The following ZFYVE26 variants were observed in gnomAD, a reference collection of about 807,000 sequenced individuals.
The protein encoded by ZFYVE26 is zinc finger FYVE-type containing 26.
In ZFYVE26, 181 loss-of-function variants were observed where a neutral mutation model predicts 276.5. The ratio of observed to expected loss-of-function variants is 0.65; its 90% confidence interval spans 0.58 to 0.74. The LOEUF is 0.74. ZFYVE26 is among the 30% of genes least tolerant of loss of function. The pLI is 0.00. For missense variants in ZFYVE26, 2,821 were observed against 3,097.9 expected (o/e 0.91, Z 2.12); for synonymous variants, 1,129 against 1,203.1 (o/e 0.94, Z 1.27).
At chr14:67,785,351 G>A in intron 18 of ZFYVE26, 74 bp from the exon 19 acceptor site, 1 of 1,379,536 alleles carries the variant, frequency 7.2e-7, no homozygotes, top group Non-Finnish European at 1.0e-6. Flanking sequence ...TTTCTGACTG[G>A]ATATGTGAAC....
intron 13 of ZFYVE26, chr14:67,735,081 T>C: frequency 2.8e-6 from 2 of 720,058 alleles, no homozygotes; most frequent in East Asian, 2.6e-5. Context: ...ACACCAAATA[T>C]CGGGAAGCTG....
Position 67,754,157 on chromosome 14 carries a change from C to G in ZFYVE26, c.7042G>C (p.Glu2348Gln). ...MEVTRFLHRCESAGTSQITTL... is the reference protein window; with the variant it reads ...MEVTRFLHRCQSAGTSQITTL... ...GTGATTTGAGAGGTCCCAGCACTTT[C>G]GCACCGATGCAAGAACCTGGTCACT... is the stretch of plus-strand genomic sequence containing the variant. Residue 2348 changes from glutamate to glutamine, a missense_variant, in exon 38 of 42, where the codon GAA (glutamate) becomes CAA (glutamine). Coordinates refer to ENST00000347230, the MANE Select transcript of ZFYVE26 (RefSeq NM_015346.4). 1 of 1,614,254 alleles carries G rather than the reference C, an allele frequency of 6.2e-7. No individual in the cohort carries two copies. The highest frequency in any genetic ancestry group is 1.3e-5 in the African/African-American group (1 of 75,066).
chr14:67,769,833 TA>T, intron 28 of ZFYVE26, 103 bp from the exon 29 acceptor site: 2 of 1,498,012 alleles, frequency 1.3e-6, no homozygotes, highest in Non-Finnish European at 1.8e-6. Flanking sequence ...TTATACTTTC[TA>T]AGAACACCAA....
intron 10 of ZFYVE26, 49 bp from the exon 11 acceptor site, chr14:67,798,671 A>G (rs763323724): frequency 1.3e-4 from 207 of 1,611,314 alleles, no homozygotes; most frequent in Non-Finnish European, 1.7e-4. Flanking sequence ...GAAGACAGAG[A>G]ATGCAAACAT....
chr14:67,798,020 G>C lies in ZFYVE26; in HGVS notation c.2242C>G (p.Arg748Gly). Residue 748 changes from arginine (R) to glycine (G), a missense_variant, in exon 11 of 42, where the codon CGT (arginine) becomes GGT (glycine). Physicochemically the swap from Arg to Gly is moderately radical, Grantham distance 125. Coordinates refer to ENST00000347230, the MANE Select transcript of ZFYVE26 (RefSeq NM_015346.4). ...AGTTCCACCCTTCTCTCACCTGAAC[G>C]ATGGTTGCTTGTCACCACCTTGTGT... is the stretch of plus-strand genomic sequence containing the variant. The part of the protein sequence containing the change: ...WRHKVVTSNH[R>G]SEEQPSRRYQ... 6.2e-7 allele frequency: 1 copy of C among 1,614,080 alleles called. No homozygotes were observed. The highest frequency in any genetic ancestry group is 8.5e-7 in the Non-Finnish European group (1 of 1,180,014).
rs1341485723 is a variant in ZFYVE26, at chr14:67,761,755, T to TA, written c.6370-172dup. The TA allele has an allele frequency of 5.2e-5, 27 of 516,734 alleles. No homozygotes were observed. The Admixed American group carries it at 6.0e-4, about 12-fold the overall frequency. The allele number at this position is 516,734 out of a possible 1,614,324, so 32.0% of individuals were successfully genotyped here. ...ATGTACCCTAGAACTTAAAGTATGA[T>TA]AAAAAAATAAAAAAACAAATAAAGA... On this transcript the variant is annotated intron_variant, in intron 34 of 41. Transcript: ENST00000347230.
chr14:67,809,408 CTTTTTT>C, intron 3 of ZFYVE26, 119 bp from the exon 4 acceptor site: 12 of 208,262 alleles, frequency 5.8e-5, no homozygotes, highest in South Asian at 2.5e-4. Context: ...ATGAAGCACT[CTTTTTT>C]TTTTTTTTTT....
intron 33 of ZFYVE26, 72 bp from the exon 34 acceptor site, chr14:67,762,484 A>G (rs2038959667): frequency 6.4e-7 from 1 of 1,553,922 alleles, no homozygotes; most frequent in Non-Finnish European, 8.7e-7. Flanking sequence ...GACCTATTCT[A>G]TTCCCAAGTT....
In ZFYVE26 at chr14:67,748,629, T is replaced by C. The variant is rs1225419682; in HGVS notation, c.7427A>G (p.Tyr2476Cys). Reference sequence around the variant, plus strand: ...AGAACGCAGTTTGCAACATATCAGGTAGGCCCGAACCTGGCAGTCAGTTAT... The same window carrying C: ...AGAACGCAGTTTGCAACATATCAGGCAGGCCCGAACCTGGCAGTCAGTTAT... ...IHNDDNKVRA[Y>C]LICCKLRSAY... The change falls in exon 42 of 42, where the codon TAC becomes TGC. Residue 2476 changes from tyrosine to cysteine, a missense_variant. Physicochemically the swap from Tyr to Cys is radical, Grantham distance 194. Coordinates refer to ENST00000347230, the MANE Select transcript of ZFYVE26 (RefSeq NM_015346.4). 2.5e-6 allele frequency: 4 copies of C among 1,613,858 alleles called. No individual in the cohort carries two copies. In the African/African-American group the frequency reaches 5.3e-5, roughly 22 times the overall value.
chr14:67,815,787 C>T lies in ZFYVE26; in HGVS notation c.177G>A (p.Val59=), dbSNP rs2140260764. The change falls in exon 2 of 42, where the codon GTG becomes GTA. Residue 59 remains valine (V), a synonymous_variant. Coordinates refer to ENST00000347230, the MANE Select transcript of ZFYVE26 (RefSeq NM_015346.4). ...TCCCTTACCTCAGCAGATTTGGACA[C>T]ACCACCAATGCCTGAAGTATGTCTT... ...RVEDILQALV[V]CPNLLRCGQD... 1.2e-6 allele frequency: 2 copies of T among 1,613,344 alleles called. No individual in the cohort carries two copies. The highest frequency in any genetic ancestry group is 1.7e-6 in the Non-Finnish European group (2 of 1,180,032).
At chr14:67,766,706 C>A (rs2039068311) in intron 31 of ZFYVE26, among the ~76,000 whole-genome samples, 1 of 152,032 alleles carries the variant, frequency 6.6e-6, no homozygotes, top group Admixed American at 6.6e-5. Flanking sequence ...TTACCCACTT[C>A]TTTATTTTTT....
At position 67,772,225 on chromosome 14, in the gene ZFYVE26, CAG is replaced by C. The variant is rs1260037701; in HGVS notation, c.5321-17_5321-16del. On this transcript the variant is annotated splice_polypyrimidine_tract_variant and intron_variant, in intron 27 of 41. Coordinates refer to ENST00000347230, the MANE Select transcript of ZFYVE26 (RefSeq NM_015346.4). ...ACTGGAGATACCTGGGAGGCAGAGC[CAG>C]AGGTCAGAGTAAAAGGTAATCAATA... is the stretch of plus-strand genomic sequence containing the variant. 6.2e-7 allele frequency: 1 copy of C among 1,610,782 alleles called. No homozygotes were observed. Among genetic ancestry groups the C allele is most frequent in the Non-Finnish European group, 8.5e-7 (1 of 1,178,754 alleles).
intron 13 of ZFYVE26, among the ~76,000 whole-genome samples, chr14:67,736,840 G>A (rs1232595893): frequency 6.6e-6 from 1 of 152,136 alleles, no homozygotes; most frequent in Non-Finnish European, 1.5e-5. Context: ...GTTGATCTGC[G>A]ATGCAGTCAC....
chr14:67,812,895 C>G (rs777859608), intron 3 of ZFYVE26, among the ~76,000 whole-genome samples: 128 of 152,292 alleles, frequency 8.4e-4, no homozygotes, highest in Non-Finnish European at 1.6e-3. Context: ...TCTTTTAAAT[C>G]TGAAACCATA....
intron 34 of ZFYVE26, 24 bp downstream of exon 34, chr14:67,762,179 G>A (rs1235558007): frequency 1.2e-6 from 2 of 1,611,782 alleles, no homozygotes. Flanking sequence ...CCTGAGCCAG[G>A]CACTCTTCCT....
In ZFYVE26 at chr14:67,767,730, C is replaced by T; in HGVS notation, c.5764G>A (p.Val1922Met). ...LDLKEEENELVRSEFYYEQAP... is the reference protein window; with the variant it reads ...LDLKEEENELMRSEFYYEQAP... ...TGCTCATAGTAAAATTCACTCCGCACCAGCTCATTTTCCTCCTCTTTGAGA... is the reference window on the plus strand; with the variant it reads ...TGCTCATAGTAAAATTCACTCCGCATCAGCTCATTTTCCTCCTCTTTGAGA... Residue 1922 changes from valine to methionine, a missense_variant, in exon 31 of 42, where the codon GTG (valine) becomes ATG (methionine). Coordinates refer to ENST00000347230, the MANE Select transcript of ZFYVE26 (RefSeq NM_015346.4). 1 of 1,614,196 alleles carries T rather than the reference C, an allele frequency of 6.2e-7. No homozygotes were observed. The highest frequency in any genetic ancestry group is 8.5e-7 in the Non-Finnish European group (1 of 1,180,038).
chr14:67,791,243 T>G (rs915871432), intron 14 of ZFYVE26, among the ~76,000 whole-genome samples: 1 of 152,208 alleles, frequency 6.6e-6, no homozygotes, highest in Non-Finnish European at 1.5e-5. Context: ...TGAGGAACTT[T>G]CTTAAAAAAA....
At chr14:67,802,795 A>C (rs1483371271) in intron 9 of ZFYVE26, among the ~76,000 whole-genome samples, 2 of 152,142 alleles carry the variant, frequency 1.3e-5, no homozygotes, top group African/African-American at 4.8e-5. Flanking sequence ...AAAAAAAAAC[A>C]TGGAATGTAA....
At chr14:67,808,670 A>C (rs1267689045) in intron 4 of ZFYVE26, among the ~76,000 whole-genome samples, 1 of 152,130 alleles carries the variant, frequency 6.6e-6, no homozygotes, top group African/African-American at 2.4e-5. Context: ...CTGCAAGACC[A>C]TGAGTCCTTT....
Sources: gnomAD v4.1 joint callset for allele counts (sites outside exome capture counted in the v4.1 genomes callset) on GRCh38, gnomAD v4.1.1 for gene constraint, MANE v1.5 for transcripts, NCBI Gene and HGNC (gene_info 2026-07-23, HGNC 2026-07-21) for gene names.